Variants in ZEB1 observed in about 807,000 individuals in gnomAD.
ZEB1 encodes zinc finger E-box binding homeobox 1.
ZEB1 carries 21 observed loss-of-function variants against 84.9 expected under a neutral mutation model. The ratio of observed to expected loss-of-function variants is 0.25; its 90% CI spans 0.18 to 0.36. ZEB1 has a LOEUF of 0.36. ZEB1 is among the 10% of genes least tolerant of loss of function. The probability of loss-of-function intolerance (pLI) is 1.00; values close to 1 mark genes in which losing one functional copy is unlikely to be tolerated. For synonymous variants in ZEB1, 420 were observed against 471.1 expected (o/e 0.89, Z 1.41); for missense variants, 1,104 against 1,330.2 (o/e 0.83, Z 2.65).
Position 31,524,039 on chromosome 10 carries a change from T to C in ZEB1, c.2711T>C (p.Met904Thr). Reference protein sequence around the residue: ...KKKMRKTENGMYACDLCDKIF... With the variant: ...KKKMRKTENGTYACDLCDKIF... ...AAAATGCGGAAGACAGAAAATGGAA[T>C]GTATGCTTGTGATTTGTGTGACAAG... The change falls in exon 8 of 9, where the codon ATG becomes ACG. Residue 904 changes from methionine to threonine, a missense_variant. By Grantham distance (81) the Met-to-Thr change is moderately conservative (BLOSUM62 -1). Around this residue, in one of 7 missense-constraint regions of ZEB1, gnomAD observed 531 missense variants for 575.2 expected, o/e 0.92. Coordinates refer to ENST00000424869, the MANE Select transcript of ZEB1 (RefSeq NM_001174096.2). 1 of 1,614,006 alleles carries C rather than the reference T, an allele frequency of 6.2e-7. No homozygotes were observed. The highest frequency in any genetic ancestry group is 2.2e-5 in the East Asian group (1 of 44,826).
chr10:31,443,301 G>C (rs953578877), intron 1 of ZEB1, among the ~76,000 whole-genome samples: 16 of 151,686 alleles, frequency 1.1e-4, no homozygotes, highest in African/African-American at 3.6e-4. Context: ...TTCACAATTT[G>C]TCGTTTGTCT....
intron 2 of ZEB1, among the ~76,000 whole-genome samples, chr10:31,481,714 C>G (rs1206593021): frequency 1.3e-5 from 2 of 151,770 alleles, no homozygotes; most frequent in Admixed American, 1.3e-4. Context: ...AACACAGGAG[C>G]CAACTTGAAG....
At chr10:31,347,485 C>A (rs1259153139) in intron 1 of ZEB1, among the ~76,000 whole-genome samples, 2 of 152,142 alleles carry the variant, frequency 1.3e-5, no homozygotes, top group Non-Finnish European at 2.9e-5. Flanking sequence ...GCTGGGACTA[C>A]AGGCATGAGC....
chr10:31,473,138 A>G (rs1335894387), intron 2 of ZEB1, among the ~76,000 whole-genome samples: 199 of 132,682 alleles, frequency 1.5e-3, no homozygotes, highest in South Asian at 2.5e-3. Context: ...ATTCCCTTTG[A>G]AAACTGGCAC....
chr10:31,436,105 G>A (rs942199265), intron 1 of ZEB1, among the ~76,000 whole-genome samples: 2 of 152,168 alleles, frequency 1.3e-5, no homozygotes, highest in African/African-American at 2.4e-5. Flanking sequence ...TTGTTTAAGC[G>A]ATAATGTATG....
At chr10:31,387,466 A>G (rs752327024) in intron 1 of ZEB1, among the ~76,000 whole-genome samples, 1 of 152,132 alleles carries the variant, frequency 6.6e-6, no homozygotes, top group Non-Finnish European at 1.5e-5. Context: ...ATGTATGGAT[A>G]TTTTTGTTTT....
chr10:31,366,406 A>T (rs530965427), intron 1 of ZEB1, among the ~76,000 whole-genome samples: 1 of 152,224 alleles, frequency 6.6e-6, no homozygotes, highest in South Asian at 2.1e-4. Flanking sequence ...CTCCCACCTC[A>T]GCCTCTCAAA....
intron 3 of ZEB1, among the ~76,000 whole-genome samples, chr10:31,496,099 CAAAA>C (rs1232843288): frequency 3.3e-5 from 5 of 151,764 alleles, no homozygotes; most frequent in Non-Finnish European, 5.9e-5. Flanking sequence ...ACAGATAATC[CAAAA>C]AATAAGTGTT....
At chr10:31,388,469 G>A (rs2049031332) in intron 1 of ZEB1, among the ~76,000 whole-genome samples, 1 of 152,028 alleles carries the variant, frequency 6.6e-6, no homozygotes, top group African/African-American at 2.4e-5. Context: ...CTGTATAATA[G>A]AAGATATTAA....
chr10:31,337,683 G>GTTTTT lies in ZEB1; in HGVS notation c.58+18409_58+18413dup, dbSNP rs756379165. The stretch of plus-strand genomic sequence containing the variant: ...AGATAAAGCTTAATAATTTCTTTCT[G>GTTTTT]TTTTTTTTTTTTTTTTTTTTTTGAT... On this transcript the variant is annotated intron_variant, in intron 1 of 8. Coordinates refer to ENST00000424869, the MANE Select transcript of ZEB1 (RefSeq NM_001174096.2). Among the ~76,000 whole-genome samples, 302 of 98,744 alleles carry GTTTTT rather than the reference G, an allele frequency of 3.1e-3. 5 individuals are homozygous for GTTTTT. The highest frequency in any genetic ancestry group is 4.5e-3 in the African/African-American group (105 of 23,114). 64.8% of individuals were successfully genotyped at this position (98,744 alleles called of 152,430 possible). A position where few individuals can be genotyped will look rare whatever the true frequency, so the allele number is the denominator to read the frequency against.
At chr10:31,421,036 G>A (rs945685270) in intron 1 of ZEB1, among the ~76,000 whole-genome samples, 1 of 152,068 alleles carries the variant, frequency 6.6e-6, no homozygotes, top group African/African-American at 2.4e-5. Flanking sequence ...CCAGTCATTT[G>A]CTGAAAAACA....
chr10:31,457,629 A>G (rs1165268209), intron 1 of ZEB1, among the ~76,000 whole-genome samples: 1 of 152,152 alleles, frequency 6.6e-6, no homozygotes, highest in African/African-American at 2.4e-5. Flanking sequence ...AATCTATCTT[A>G]CAATGGCAGC....
At chr10:31,490,893 T>C (rs1307383292) in intron 2 of ZEB1, among the ~76,000 whole-genome samples, 1 of 151,808 alleles carries the variant, frequency 6.6e-6, no homozygotes, top group Non-Finnish European at 1.5e-5. Flanking sequence ...CGGGATGCAG[T>C]CTCCAGCCAG....
intron 1 of ZEB1, among the ~76,000 whole-genome samples, chr10:31,431,070 T>G (rs917314460): frequency 3.9e-5 from 6 of 152,222 alleles, no homozygotes; most frequent in African/African-American, 1.4e-4. Flanking sequence ...AATAAAACTT[T>G]AAAAGGAAAA....
rs558747840 is a variant in ZEB1, at chr10:31,416,931, T to G, written c.59-44106T>G. On this transcript the variant is annotated intron_variant, in intron 1 of 8. Transcript: ENST00000424869. ...ACTTACAAAACCATTATTGTCCAGT[T>G]CTATAGCTGCTACCCTAGTCCCTGG... is the stretch of plus-strand genomic sequence containing the variant. Among the ~76,000 whole-genome samples the G allele has an allele frequency of 8.5e-5, 13 of 152,228 alleles. No homozygotes were observed. The East Asian group carries it at 2.5e-3, about 29-fold the overall frequency.
intron 1 of ZEB1, among the ~76,000 whole-genome samples, chr10:31,451,787 T>G (rs1299241379): frequency 6.6e-6 from 1 of 152,094 alleles, no homozygotes; most frequent in African/African-American, 2.4e-5. Context: ...GAAGGTAATT[T>G]GGGAGGATGG....
At chr10:31,517,711 G>A (rs1004366913) in intron 6 of ZEB1, among the ~76,000 whole-genome samples, 2 of 152,044 alleles carry the variant, frequency 1.3e-5, no homozygotes, top group Non-Finnish European at 2.9e-5. Context: ...TAATTGTTGT[G>A]TAAACTTTCT....
At position 31,527,078 on chromosome 10, in the gene ZEB1, G is replaced by GGAA; in HGVS notation, c.3195_3197dup (p.Glu1072dup). On this transcript the variant is annotated inframe_insertion, in exon 9 of 9. Transcript: ENST00000424869. ...AATGTGAAAAACCACAAGGGGATGA[G>GGAA]GAAGAGGAGGAGGAGGAGGAAGAAG... 1.3e-6 allele frequency: 2 copies of GGAA among 1,588,012 alleles called. No individual in the cohort carries two copies. The highest frequency in any genetic ancestry group is 1.7e-6 in the Non-Finnish European group (2 of 1,164,358).
intron 1 of ZEB1, among the ~76,000 whole-genome samples, chr10:31,450,461 C>G (rs2137023616): frequency 6.6e-6 from 1 of 151,994 alleles, no homozygotes; most frequent in East Asian, 1.9e-4. Flanking sequence ...AATGTCCTTA[C>G]TGCTAATAGT....
Sources: allele counts gnomAD v4.1 joint callset (sites outside exome capture counted in the v4.1 genomes callset), GRCh38; gene constraint gnomAD v4.1.1; regional missense constraint gnomAD v4.1.1; transcripts MANE v1.5; gene names NCBI Gene and HGNC (gene_info 2026-07-23, HGNC 2026-07-21).